ABCC2: variants seen among roughly 807,000 people sequenced by gnomAD.
The protein encoded by ABCC2 is ATP binding cassette subfamily C member 2.
ABCC2 carries 157 observed loss-of-function variants against 173.4 expected under a neutral mutation model. The observed-to-expected ratio is 0.91, with a 90% CI of 0.80 to 1.03. The LOEUF is 1.03. Ranked by LOEUF, ABCC2 falls within the 50% of genes least tolerant of loss-of-function variation. The probability of loss-of-function intolerance (pLI) is 0.00; values close to 1 mark genes in which losing one functional copy is unlikely to be tolerated. For synonymous variants in ABCC2, 657 were observed against 693.5 expected (o/e 0.95, Z 0.83); for missense variants, 1,822 against 1,852.3 (o/e 0.98, Z 0.30).
At chr10:99,791,265 A>G (rs1446016105) in intron 2 of ABCC2, among the ~76,000 whole-genome samples, 1 of 152,066 alleles carries the variant, frequency 6.6e-6, no homozygotes, top group Non-Finnish European at 1.5e-5. Flanking sequence ...AAAATTAGCC[A>G]GGTGTGGTGG....
rs17216352 is a variant in ABCC2 at position 99,830,625 on chromosome 10, C to T, written c.2748-91C>T. 1.7e-4 allele frequency: 270 copies of T among 1,596,098 alleles called. No homozygotes were observed. The African/African-American group carries it at 2.7e-3, about 16-fold the overall frequency. On this transcript the variant is annotated intron_variant, in intron 20 of 31. Coordinates refer to ENST00000647814, the MANE Select transcript of ABCC2 (RefSeq NM_000392.5). ...TCCCCTGGTCATCTGCCCTGAAATG[C>T]GCTTTGATGCCAGCTGAGTGACTGT...
rs1564684502 is a variant in ABCC2 at position 99,814,322 on chromosome 10, TATGTATAC to T, written c.2094+1180_2094+1187del. On this transcript the variant is annotated intron_variant, in intron 16 of 31. Coordinates refer to ENST00000647814, the MANE Select transcript of ABCC2 (RefSeq NM_000392.5). ...GTATACACACATGTATATACACACG[TATGTATAC>T]ACACATGTATATATACACACGTATG... is the stretch of plus-strand genomic sequence containing the variant. 7.0e-5 allele frequency among the ~76,000 whole-genome samples: 10 copies of T among 142,992 alleles called. No homozygotes were observed. The East Asian group carries it at 1.7e-3, about 25-fold the overall frequency. 93.8% of individuals were successfully genotyped at this position (142,992 alleles called of 152,430 possible). A position where few individuals can be genotyped will look rare whatever the true frequency, so the allele number is the denominator to read the frequency against.
intron 23 of ABCC2, 23 bp from the exon 24 acceptor site, chr10:99,834,357 A>G (rs768901440): frequency 6.2e-7 from 1 of 1,613,242 alleles, no homozygotes; most frequent in African/African-American, 1.3e-5. Context: ...GTGATGGTGT[A>G]TCTCTCCTAA....
At chr10:99,812,810 G>T (rs1361430213) in intron 15 of ABCC2, among the ~76,000 whole-genome samples, 3 of 152,176 alleles carry the variant, frequency 2.0e-5, no homozygotes, top group Non-Finnish European at 4.4e-5. Flanking sequence ...GCTCATTAGG[G>T]CTCATTCTCT....
chr10:99,830,315 G>GACTA lies in ABCC2; in HGVS notation c.2629_2630insACTA (p.Gly877AspfsTer2). 6.2e-7 allele frequency: 1 copy of GACTA among 1,614,134 alleles called. No homozygotes were observed. Among genetic ancestry groups the GACTA allele is most frequent in the Non-Finnish European group, 8.5e-7 (1 of 1,180,000 alleles). ...CTACTGTGTCTCCCTAGTCCATGAT[G>GACTA]GCAGTGAAGAAGAAGACGATGACTA... On this transcript the variant is annotated stop_gained and frameshift_variant, in exon 20 of 32. Transcript: ENST00000647814. LOFTEE classifies it high-confidence loss of function.
In ABCC2 at chr10:99,805,408, A is replaced by G. The variant is rs550283293; in HGVS notation, c.1491A>G (p.Lys497=). 2 of 1,613,944 alleles carry G rather than the reference A, an allele frequency of 1.2e-6. No homozygotes were observed. Among genetic ancestry groups the G allele is most frequent in the African/African-American group, 1.3e-5 (1 of 75,012 alleles). The change falls in exon 11 of 32, where the codon AAA becomes AAG. Residue 497 remains lysine, a synonymous_variant. Coordinates refer to ENST00000647814, the MANE Select transcript of ABCC2 (RefSeq NM_000392.5). The stretch of plus-strand genomic sequence containing the variant: ...TCAAAAATATGAAGAATAAAGACAA[A>G]CGTTTAAAGATCATGAATGAGATTC... ...IQVKNMKNKD[K]RLKIMNEILS...
chr10:99,793,782 A>G, intron 4 of ABCC2, 97 bp downstream of exon 4: 3 of 1,581,480 alleles, frequency 1.9e-6, no homozygotes, highest in South Asian at 1.1e-5. Flanking sequence ...ATCGAATTGT[A>G]TTAGAGGGAT....
chr10:99,840,958 G>A (rs1335969247), intron 25 of ABCC2, among the ~76,000 whole-genome samples: 1 of 151,970 alleles, frequency 6.6e-6, no homozygotes, highest in Non-Finnish European at 1.5e-5. Context: ...GCATCCTGAG[G>A]TGTGAACCAG....
intron 1 of ABCC2, 146 bp from the exon 2 acceptor site, chr10:99,784,462 T>C (rs2037670787): frequency 1.3e-5 from 12 of 913,176 alleles, no homozygotes; most frequent in Non-Finnish European, 2.1e-5. Flanking sequence ...TGTGCACAAA[T>C]AGGAAAATAC....
At chr10:99,784,477 A>C (rs189142740) in intron 1 of ABCC2, 131 bp from the exon 2 acceptor site, 1 of 973,444 alleles carries the variant, frequency 1.0e-6, no homozygotes, top group East Asian at 2.4e-5. Flanking sequence ...AAATACGGAT[A>C]GTTAAAGGGT....
At chr10:99,830,571 G>T in intron 20 of ABCC2, 138 bp downstream of exon 20, 1 of 1,557,646 alleles carries the variant, frequency 6.4e-7, no homozygotes. Context: ...TTGTTGTGGG[G>T]ATGGGGAAAG....
At chr10:99,795,857 A>C (rs981330548) in intron 6 of ABCC2, among the ~76,000 whole-genome samples, 4 of 152,234 alleles carry the variant, frequency 2.6e-5, no homozygotes, top group Non-Finnish European at 5.9e-5. Flanking sequence ...AATATAATTT[A>C]GGCCAGGTAT....
At chr10:99,795,473 T>A (rs1358320067) in intron 6 of ABCC2, among the ~76,000 whole-genome samples, 1 of 150,836 alleles carries the variant, frequency 6.6e-6, no homozygotes. Flanking sequence ...CTGAGGCGGG[T>A]GGATCACCTG....
At chr10:99,832,154 G>A (rs1181030735) in intron 23 of ABCC2, 23 bp downstream of exon 23, 1 of 1,614,090 alleles carries the variant, frequency 6.2e-7, no homozygotes, top group Admixed American at 1.7e-5. Context: ...AGAACTGTCA[G>A]GTGGTGTGTT....
chr10:99,807,593 C>G, intron 12 of ABCC2, 72 bp downstream of exon 12: 1 of 1,602,310 alleles, frequency 6.2e-7, no homozygotes. Context: ...AGGAAGTTCA[C>G]TTTTGATAGA....
chr10:99,784,090 C>G (rs775045725), intron 1 of ABCC2, among the ~76,000 whole-genome samples: 1 of 149,672 alleles, frequency 6.7e-6, no homozygotes, highest in Non-Finnish European at 1.5e-5. Flanking sequence ...TCCAACAATG[C>G]TGTTGTCACT....
At chr10:99,817,858 A>C (rs1040370399) in intron 17 of ABCC2, among the ~76,000 whole-genome samples, 1 of 152,204 alleles carries the variant, frequency 6.6e-6, no homozygotes, top group African/African-American at 2.4e-5. Context: ...GGAAGATTCT[A>C]CTAATCTGCT....
At chr10:99,810,069 C>T in intron 13 of ABCC2, 65 bp from the exon 14 acceptor site, 1 of 1,490,328 alleles carries the variant, frequency 6.7e-7, no homozygotes. Flanking sequence ...ACGACAAAGT[C>T]AAAATCTCTC....
Position 99,831,724 on chromosome 10 carries a change from G to T in ABCC2, c.2997G>T (p.Trp999Cys). The T allele has an allele frequency of 6.2e-7, 1 of 1,614,112 alleles. No individual in the cohort carries two copies. The highest frequency in any genetic ancestry group is 8.5e-7 in the Non-Finnish European group (1 of 1,179,984). Residue 999 changes from tryptophan to cysteine, a missense_variant, in exon 22 of 32, where the codon TGG becomes TGT. Trp to Cys is a radical substitution (Grantham distance 215, BLOSUM62 -2). Coordinates refer to ENST00000647814, the MANE Select transcript of ABCC2 (RefSeq NM_000392.5). The part of the protein sequence containing the change: ...NSVAFIGSNL[W>C]LSAWTSDSKI... Reference sequence around the variant, plus strand: ...TGGCTTTTATTGGATCCAACCTCTGGCTCAGTGCTTGGACCAGTGACTCTA... The same window carrying T: ...TGGCTTTTATTGGATCCAACCTCTGTCTCAGTGCTTGGACCAGTGACTCTA...
Sources: gnomAD v4.1 joint callset for allele counts (sites outside exome capture counted in the v4.1 genomes callset) on GRCh38, gnomAD v4.1.1 for gene constraint, MANE v1.5 for transcripts, NCBI Gene and HGNC (gene_info 2026-07-23, HGNC 2026-07-21) for gene names.